Variants in CCDC192 observed in about 807,000 individuals in gnomAD.
The protein encoded by CCDC192 is coiled-coil domain-containing protein 192.
At chr5:127,785,149 CTGTT>C in intron 3 of CCDC192, 1 of 525,462 alleles carries the variant, frequency 1.9e-6, no homozygotes, top group South Asian at 1.4e-5. Context: ...CAAAGTATAT[CTGTT>C]TGTAAAGCAG....
intron 1 of CCDC192, among the ~76,000 whole-genome samples, chr5:127,705,468 C>T (rs750911277): frequency 1.3e-5 from 2 of 151,852 alleles, no homozygotes; most frequent in Non-Finnish European, 2.9e-5. Context: ...CTTTTTTGCC[C>T]AGCATAAAAA....
At chr5:127,752,001 T>C (rs946708502) in intron 2 of CCDC192, among the ~76,000 whole-genome samples, 1 of 152,024 alleles carries the variant, frequency 6.6e-6, no homozygotes, top group African/African-American at 2.4e-5. Context: ...TTGGTTATTC[T>C]AGTTATACAT....
At chr5:127,920,720 G>A (rs926440761) in intron 6 of CCDC192, among the ~76,000 whole-genome samples, 5 of 151,802 alleles carry the variant, frequency 3.3e-5, no homozygotes, top group Admixed American at 1.3e-4. Context: ...TGCTAAAGAG[G>A]TATTAATAAG....
At chr5:127,897,534 G>A (rs1229055588) in intron 6 of CCDC192, among the ~76,000 whole-genome samples, 1 of 152,140 alleles carries the variant, frequency 6.6e-6, no homozygotes, top group African/African-American at 2.4e-5. Flanking sequence ...TATGTAACCA[G>A]GCCACTTTTA....
At chr5:127,794,799 TAACA>T (rs1057314569) in intron 3 of CCDC192, among the ~76,000 whole-genome samples, 17 of 152,132 alleles carry the variant, frequency 1.1e-4, no homozygotes, top group Admixed American at 9.2e-4. Flanking sequence ...ATGGATCACA[TAACA>T]AACAGGATAT....
chr5:127,873,386 A>G (rs1431440516), intron 5 of CCDC192, among the ~76,000 whole-genome samples: 1 of 152,210 alleles, frequency 6.6e-6, no homozygotes, highest in East Asian at 1.9e-4. Flanking sequence ...CATACAAAAA[A>G]GTTGAAATAA....
At chr5:127,737,386 C>G (rs1453125212) in intron 2 of CCDC192, among the ~76,000 whole-genome samples, 1 of 151,902 alleles carries the variant, frequency 6.6e-6, no homozygotes, top group Non-Finnish European at 1.5e-5. Context: ...TGGTGTGGTG[C>G]TGAAAAAAAT....
At chr5:127,904,991 G>T (rs1753157447) in intron 6 of CCDC192, among the ~76,000 whole-genome samples, 1 of 151,974 alleles carries the variant, frequency 6.6e-6, no homozygotes, top group African/African-American at 2.4e-5. Flanking sequence ...TCCCCACCTG[G>T]GCAAATTGGA....
chr5:127,757,486 C>G (rs1754663446), intron 3 of CCDC192, among the ~76,000 whole-genome samples: 1 of 152,018 alleles, frequency 6.6e-6, no homozygotes. Context: ...GAGATTTTTG[C>G]TTTCTCCAAT....
intron 6 of CCDC192, among the ~76,000 whole-genome samples, chr5:127,894,629 A>C (rs1752828491): frequency 6.6e-6 from 1 of 152,204 alleles, no homozygotes; most frequent in African/African-American, 2.4e-5. Context: ...AATGAATAAG[A>C]ATCTAAATCT....
chr5:127,930,503 G>A (rs1753998316), intron 6 of CCDC192, among the ~76,000 whole-genome samples: 1 of 152,242 alleles, frequency 6.6e-6, no homozygotes, highest in South Asian at 2.1e-4. Flanking sequence ...TTCAAAGCCA[G>A]AGTTGTGGGA....
intron 2 of CCDC192, among the ~76,000 whole-genome samples, chr5:127,753,498 C>T (rs1284395700): frequency 6.6e-6 from 1 of 152,084 alleles, no homozygotes; most frequent in East Asian, 1.9e-4. Context: ...GATTTCAAGA[C>T]TAGCCTGGCC....
chr5:127,810,015 C>T (rs937575120), intron 5 of CCDC192, among the ~76,000 whole-genome samples: 2 of 152,186 alleles, frequency 1.3e-5, no homozygotes, highest in Non-Finnish European at 2.9e-5. Context: ...TATTTTCTTA[C>T]ATCTGTTCTA....
At chr5:127,903,902 G>A (rs1037727198) in intron 6 of CCDC192, among the ~76,000 whole-genome samples, 1 of 152,108 alleles carries the variant, frequency 6.6e-6, no homozygotes, top group Admixed American at 6.6e-5. Flanking sequence ...GACAAAAAGT[G>A]GCTGTTACAG....
intron 5 of CCDC192, among the ~76,000 whole-genome samples, chr5:127,809,927 T>A (rs1049018789): frequency 2.6e-5 from 4 of 152,200 alleles, no homozygotes; most frequent in Admixed American, 2.6e-4. Flanking sequence ...ATAAAACAGA[T>A]TGCTCTGTGT....
chr5:127,868,656 G>A (rs1751713148), intron 5 of CCDC192, among the ~76,000 whole-genome samples: 1 of 152,178 alleles, frequency 6.6e-6, no homozygotes, highest in Non-Finnish European at 1.5e-5. Flanking sequence ...GGCCAAGGCA[G>A]GCAGATCACT....
chr5:127,735,278 T>C (rs1469369736), intron 2 of CCDC192, among the ~76,000 whole-genome samples: 2 of 123,520 alleles, frequency 1.6e-5, no homozygotes, highest in Admixed American at 8.6e-5. Flanking sequence ...TTCTGTTCCA[T>C]TGATCTATAT....
At chr5:127,855,999 G>A (rs1751071723) in intron 5 of CCDC192, among the ~76,000 whole-genome samples, 1 of 152,206 alleles carries the variant, frequency 6.6e-6, no homozygotes, top group Non-Finnish European at 1.5e-5. Context: ...AAAGTTATCA[G>A]CTGCAGTTAG....
At chr5:127,832,975 A>G (rs575044013) in intron 5 of CCDC192, among the ~76,000 whole-genome samples, 30 of 152,320 alleles carry the variant, frequency 2.0e-4, no homozygotes, top group East Asian at 1.7e-3. Flanking sequence ...GAAAGGAGTT[A>G]TTCTGCAGGC....
Sources: allele counts gnomAD v4.1 joint callset (sites outside exome capture counted in the v4.1 genomes callset), GRCh38; gene constraint gnomAD v4.1.1; transcripts MANE v1.5; gene names NCBI Gene and HGNC (gene_info 2026-07-23, HGNC 2026-07-21).